The following IFITM10 variants were observed in gnomAD, a reference collection of about 807,000 sequenced individuals.
IFITM10 encodes the protein interferon induced transmembrane protein 10.
IFITM10 carries 17 observed loss-of-function variants against 19.0 expected under a neutral mutation model. The observed-to-expected ratio is 0.90, with a 90% CI of 0.61 to 1.34. The LOEUF is 1.34. Ranked by LOEUF, IFITM10 falls within the 40% of genes most tolerant of loss-of-function variation. The pLI is 0.00. For synonymous variants in IFITM10, 148 were observed against 147.2 expected, an observed-to-expected ratio of 1.01 and a Z score of -0.04; for missense variants, 306 against 319.8, an observed-to-expected ratio of 0.96 and a Z score of 0.33.
At position 1,750,571 on chromosome 11, in the gene IFITM10, T is replaced by G; in HGVS notation, c.-129A>C. 8.4e-7 allele frequency: 1 copy of G among 1,192,870 alleles called. No homozygotes were observed. Among genetic ancestry groups the G allele is most frequent in the Non-Finnish European group, 1.2e-6 (1 of 848,082 alleles). The allele number at this position is 1,192,870 out of a possible 1,614,324, so 73.9% of individuals were successfully genotyped here. ...CTGCTTGGGGTCCTGTCTGCCTGCC[T>G]GTGCCTGACTCTGAACCCTTTCTCT... On this transcript the variant is annotated 5_prime_UTR_variant, in exon 1 of 3. Coordinates refer to ENST00000340134, the MANE Select transcript of IFITM10 (RefSeq NM_001170820.4).
At chr11:1,741,575 A>G (rs1001349762) in intron 2 of IFITM10, among the ~76,000 whole-genome samples, 3 of 152,120 alleles carry the variant, frequency 2.0e-5, no homozygotes, top group East Asian at 3.9e-4. Flanking sequence ...CAGTTCTTCT[A>G]TGACTGTGAA....
At chr11:1,740,876 AT>A (rs1375745468) in intron 2 of IFITM10, among the ~76,000 whole-genome samples, 1 of 151,478 alleles carries the variant, frequency 6.6e-6, no homozygotes, top group Non-Finnish European at 1.5e-5. Flanking sequence ...TAGTGAGTGA[AT>A]TCCTGAGAGC....
rs1470024760 is a variant in IFITM10 at position 1,750,468 on chromosome 11, G to GA, written c.-27dup. The GA allele has an allele frequency of 1.3e-6, 2 of 1,550,312 alleles. No homozygotes were observed. The highest frequency in any genetic ancestry group is 1.7e-6 in the Non-Finnish European group (2 of 1,146,916). The stretch of plus-strand genomic sequence containing the variant: ...CTCTCTCCAAGCCCCATCCTCCCAT[G>GA]AAACTCCTTTCTCCTCTGCCACTCT... On this transcript the variant is annotated 5_prime_UTR_variant, in exon 1 of 3. Coordinates refer to ENST00000340134, the MANE Select transcript of IFITM10 (RefSeq NM_001170820.4).
In IFITM10 at chr11:1,734,633, C is replaced by G. The variant is rs1447950493; in HGVS notation, c.*647G>C. 1 of 152,356 alleles carries G rather than the reference C, an allele frequency of 6.6e-6. No individual in the cohort carries two copies. The highest frequency in any genetic ancestry group is 2.4e-5 in the African/African-American group (1 of 41,440). 9.4% of individuals were successfully genotyped at this position (152,356 alleles called of 1,614,324 possible). A position where few individuals can be genotyped will look rare whatever the true frequency, so the allele number is the denominator to read the frequency against. ...TTGGGGTACCTCCACCAAATGCCCC[C>G]CCTTCCCATTCACTGTCTGGCACAG... On this transcript the variant is annotated 3_prime_UTR_variant, in exon 3 of 3. Transcript: ENST00000340134.
Position 1,735,303 on chromosome 11 carries a change from G to A in IFITM10, c.664C>T (p.Arg222Trp), listed in dbSNP as rs1158485264. The A allele has an allele frequency of 1.0e-5, 16 of 1,551,574 alleles. No individual in the cohort carries two copies. The East Asian group carries it at 3.2e-4, about 31-fold the overall frequency. Reference sequence around the variant, plus strand: ...CCTTAGTAGTCGGTGAGGGGGTACCGCAGGAAGATGAAGACGAGGATGATG... The same window carrying A: ...CCTTAGTAGTCGGTGAGGGGGTACCACAGGAAGATGAAGACGAGGATGATG... Reference protein sequence around the residue: ...SCIILVFIFLRYPLTDY With the variant: ...SCIILVFIFLWYPLTDY Residue 222 changes from arginine (R) to tryptophan (W), a missense_variant, in exon 3 of 3, where the codon CGG becomes TGG. Coordinates refer to ENST00000340134, the MANE Select transcript of IFITM10 (RefSeq NM_001170820.4).
chr11:1,749,322 GGGGAGTTGCAAGGTCCCGCAGGGAT>G (rs1565016243), intron 1 of IFITM10: 1 of 154,392 alleles, frequency 6.5e-6, no homozygotes, highest in Non-Finnish European at 1.4e-5. Context: ...CCGCGACCCT[GGGGAGTTGCAAGGTCCCGCAGGGAT>G]GGGACCCCTA....
intron 2 of IFITM10, chr11:1,746,186 ACAGGT>A: frequency 5.6e-6 from 1 of 178,978 alleles, no homozygotes; most frequent in Non-Finnish European, 1.2e-5. Flanking sequence ...ACACATGCAC[ACAGGT>A]ACACACACCA....
rs912862819 is a variant in IFITM10, at chr11:1,735,331, G to C, written c.636C>G (p.Ser212=). ...GGAAGATGAAGACGAGGATGATGCA[G>C]GAGGCTGCCAGGGCAGAACTGGTGA... ...FNITSSALAA[S]CIILVFIFLR... is the part of the protein sequence containing the mutation. Residue 212 remains serine (S), a synonymous_variant, in exon 3 of 3, where the codon TCC becomes TCG. Transcript: ENST00000340134. 172 of 1,551,616 alleles carry C rather than the reference G, an allele frequency of 1.1e-4. No homozygotes were observed. The highest frequency in any genetic ancestry group is 1.4e-4 in the Non-Finnish European group (158 of 1,146,988).
At chr11:1,742,196 G>A (rs1845576182) in intron 2 of IFITM10, among the ~76,000 whole-genome samples, 1 of 152,140 alleles carries the variant, frequency 6.6e-6, no homozygotes, top group Non-Finnish European at 1.5e-5. Context: ...GATGAGTGGT[G>A]GGGTGGGTGG....
chr11:1,737,350 T>C (rs1385236760), intron 2 of IFITM10, among the ~76,000 whole-genome samples: 1 of 152,212 alleles, frequency 6.6e-6, no homozygotes, highest in Non-Finnish European at 1.5e-5. Context: ...CTACAGCAAA[T>C]ACTAGTATTT....
chr11:1,747,711 T>A lies in IFITM10; in HGVS notation c.493A>T (p.Asn165Tyr), dbSNP rs1845667046. Residue 165 changes from asparagine to tyrosine, a missense_variant, in exon 2 of 3, where the codon AAC becomes TAC. Transcript: ENST00000340134. ...GCGATGAAGCCCAGGCAGCAGAAGT[T>A]GAGGTAGACGAAGTTGAAGATGGAC... ...LWSIFNFVYL[N>Y]FCCLGFIALA... 1.3e-6 allele frequency: 2 copies of A among 1,551,728 alleles called. No homozygotes were observed. Among genetic ancestry groups the A allele is most frequent in the East Asian group, 2.4e-5 (1 of 40,910 alleles).
chr11:1,741,140 G>A (rs992809799), intron 2 of IFITM10, among the ~76,000 whole-genome samples: 1 of 151,938 alleles, frequency 6.6e-6, no homozygotes, highest in East Asian at 1.9e-4. Context: ...TTTCTTTACA[G>A]CTGTGCAAGA....
At chr11:1,743,109 A>G (rs1408201803) in intron 2 of IFITM10, among the ~76,000 whole-genome samples, 2 of 148,778 alleles carry the variant, frequency 1.3e-5, no homozygotes, top group Non-Finnish European at 3.0e-5. Flanking sequence ...GGATGGATAG[A>G]TGGATGGAGG....
intron 2 of IFITM10, chr11:1,746,576 C>G (rs1845652818): frequency 2.5e-6 from 1 of 398,506 alleles, no homozygotes; most frequent in African/African-American, 2.1e-5. Flanking sequence ...GGTTGGCAAT[C>G]ATGATGAGTC....
chr11:1,750,460 C>A lies in IFITM10; in HGVS notation c.-18G>T. 2 of 1,550,470 alleles carry A rather than the reference C, an allele frequency of 1.3e-6. No homozygotes were observed. Among genetic ancestry groups the A allele is most frequent in the Non-Finnish European group, 1.7e-6 (2 of 1,146,954 alleles). On this transcript the variant is annotated 5_prime_UTR_variant, in exon 1 of 3. Transcript: ENST00000340134. Reference sequence around the variant, plus strand: ...TCCCTCATCTCTCTCCAAGCCCCATCCTCCCATGAAACTCCTTTCTCCTCT... The same window carrying A: ...TCCCTCATCTCTCTCCAAGCCCCATACTCCCATGAAACTCCTTTCTCCTCT...
At chr11:1,735,506 G>A (rs777145544) in intron 2 of IFITM10, 77 bp from the exon 3 acceptor site, 45 of 1,365,460 alleles carry the variant, frequency 3.3e-5, no homozygotes, top group African/African-American at 8.8e-5. Flanking sequence ...GCCCAGCAGA[G>A]CCGGTGCCAC....
intron 2 of IFITM10, among the ~76,000 whole-genome samples, chr11:1,739,996 C>T (rs908179039): frequency 6.6e-6 from 1 of 152,016 alleles, no homozygotes; most frequent in African/African-American, 2.4e-5. Context: ...CAGTGCTGGC[C>T]GCTGTGTAAG....
intron 2 of IFITM10, among the ~76,000 whole-genome samples, chr11:1,742,296 AG>A (rs1356898454): frequency 1.3e-5 from 2 of 152,200 alleles, no homozygotes; most frequent in Admixed American, 6.5e-5. Context: ...GATGGTAGAA[AG>A]AATGAAGGGG....
Position 1,747,479 on chromosome 11 carries a change from C to A in IFITM10, c.537+188G>T, listed in dbSNP as rs1400250282. Among the ~76,000 whole-genome samples the A allele has an allele frequency of 4.6e-5, 7 of 152,112 alleles. 1 individual carries two copies. Among genetic ancestry groups the A allele is most frequent in the African/African-American group, 7.2e-5 (3 of 41,428 alleles). ...CCTGCCCGCCCAGACCTAGCCAGTA[C>A]CCCGACCTCTCTGGGACCCACCATC... On this transcript the variant is annotated intron_variant, in intron 2 of 2. Transcript: ENST00000340134.
Sources: allele counts gnomAD v4.1 joint callset (sites outside exome capture counted in the v4.1 genomes callset), GRCh38; gene constraint gnomAD v4.1.1; transcripts MANE v1.5; gene names NCBI Gene and HGNC (gene_info 2026-07-23, HGNC 2026-07-21).